Variants in AK8 observed in about 807,000 individuals in gnomAD.
AK8 encodes the protein adenylate kinase 8.
A neutral mutation model predicts 54.6 loss-of-function variants in AK8; 44 were observed. That is an observed-to-expected ratio of 0.81 (90% confidence interval 0.63 to 1.04). The LOEUF (loss-of-function observed/expected upper bound fraction) is 1.04, where lower values mean the gene tolerates loss of function less well. Among genes scored for constraint, AK8 ranks in the 50% least tolerant of loss-of-function variants. The pLI, the probability that AK8 is intolerant of heterozygous loss-of-function variation, is 0.00. For synonymous variants in AK8, 239 were observed against 245.6 expected, an observed-to-expected ratio of 0.97 and a Z score of 0.25; for missense variants, 555 against 613.6, an observed-to-expected ratio of 0.90 and a Z score of 1.01.
At chr9:132,728,987 A>G (rs1836701553) in intron 11 of AK8, among the ~76,000 whole-genome samples, 1 of 151,838 alleles carries the variant, frequency 6.6e-6, no homozygotes. Flanking sequence ...GGCTCAGTCA[A>G]TCTGCCCATC....
At chr9:132,764,260 A>C (rs1374980125) in intron 11 of AK8, among the ~76,000 whole-genome samples, 2 of 152,244 alleles carry the variant, frequency 1.3e-5, no homozygotes, top group African/African-American at 4.8e-5. Context: ...CAGTGAGCTG[A>C]GATCACACCA....
At chr9:132,763,146 GC>G (rs1189941151) in intron 11 of AK8, among the ~76,000 whole-genome samples, 1 of 152,212 alleles carries the variant, frequency 6.6e-6, no homozygotes, top group Admixed American at 6.5e-5. Context: ...ACTGTGGCCA[GC>G]CGGCTGCTGT....
rs534553563 is a variant in AK8 at position 132,759,055 on chromosome 9, C to T, written c.1122-31521G>A. Among the ~76,000 whole-genome samples the T allele has an allele frequency of 6.6e-5, 10 of 151,814 alleles. No homozygotes were observed. The South Asian group carries it at 2.1e-3, about 32-fold the overall frequency. On this transcript the variant is annotated intron_variant, in intron 11 of 12. Transcript: ENST00000298545. ...TCTACAAAAAAATACAAAAATTAGC[C>T]TGGTGTGGTGGTGTGTTGTAGTCCC...
chr9:132,812,742 G>C (rs1371181688), intron 10 of AK8, among the ~76,000 whole-genome samples: 2 of 152,180 alleles, frequency 1.3e-5, no homozygotes, highest in African/African-American at 4.8e-5. Flanking sequence ...CATGGCTGGT[G>C]GGGGCAGCGC....
intron 1 of AK8, 183 bp from the exon 2 acceptor site, chr9:132,875,382 C>G (rs566082061): frequency 1.1e-6 from 1 of 929,890 alleles, no homozygotes; most frequent in African/African-American, 1.9e-5. Flanking sequence ...ATGAGGGGGG[C>G]CACGTGGTGC....
chr9:132,866,996 A>G, intron 2 of AK8, 43 bp from the exon 3 acceptor site: 1 of 1,591,734 alleles, frequency 6.3e-7, no homozygotes, highest in Non-Finnish European at 8.6e-7. Context: ...CAACATGACA[A>G]GCAGCCTCCC....
Position 132,828,731 on chromosome 9 carries a change from A to G in AK8, c.403-5T>C. 6.2e-7 allele frequency: 1 copy of G among 1,604,844 alleles called. No individual in the cohort carries two copies. The highest frequency in any genetic ancestry group is 2.2e-5 in the East Asian group (1 of 44,578). ...GATGCCATCCAGAATCCAGCCCTAG[A>G]CAGAAGATTCAGAGAGGTGCTCATC... On this transcript the variant is annotated splice_polypyrimidine_tract_variant and splice_region_variant and intron_variant, in intron 5 of 12. Coordinates refer to ENST00000298545, the MANE Select transcript of AK8 (RefSeq NM_152572.3).
At chr9:132,758,502 T>C (rs752961452) in intron 11 of AK8, among the ~76,000 whole-genome samples, 6 of 152,160 alleles carry the variant, frequency 3.9e-5, no homozygotes, top group Non-Finnish European at 7.3e-5. Flanking sequence ...CAGGCTGGAG[T>C]GCAATGGTGC....
intron 2 of AK8, among the ~76,000 whole-genome samples, chr9:132,869,311 G>A (rs542379482): frequency 6.6e-6 from 1 of 152,340 alleles, no homozygotes; most frequent in African/African-American, 2.4e-5. Context: ...CCCCAAGCAA[G>A]GCCACCAAAT....
chr9:132,855,931 C>A (rs1202474857), intron 4 of AK8, among the ~76,000 whole-genome samples: 1 of 152,116 alleles, frequency 6.6e-6, no homozygotes, highest in Non-Finnish European at 1.5e-5. Flanking sequence ...CTGGTCTAAG[C>A]CAATCCGCAT....
chr9:132,866,947 C>T lies in AK8; in HGVS notation c.176G>A (p.Arg59Lys). 1.2e-6 allele frequency: 2 copies of T among 1,613,974 alleles called. No individual in the cohort carries two copies. Among genetic ancestry groups the T allele is most frequent in the African/African-American group, 2.7e-5 (2 of 74,978 alleles). The change falls in exon 3 of 13, where the codon AGG (arginine) becomes AAG (lysine). Residue 59 changes from arginine to lysine, a missense_variant. By Grantham distance (26) the Arg-to-Lys change is conservative (BLOSUM62 2). Transcript: ENST00000298545. ...GGCGGGTGGACCTAATATTACAATC[C>T]TGGGCACTGTGGAATAAAAAGATTT... is the stretch of plus-strand genomic sequence containing the variant. ...HLHRDNDNVPRIVILGPPASG... is the reference protein window; with the variant it reads ...HLHRDNDNVPKIVILGPPASG...
intron 3 of AK8, 123 bp downstream of exon 3, chr9:132,866,781 G>A: frequency 1.1e-6 from 1 of 943,990 alleles, no homozygotes; most frequent in Non-Finnish European, 1.7e-6. Flanking sequence ...GTAATAAGAA[G>A]GAGGAGAAGG....
chr9:132,822,441 TG>T (rs529954013), intron 9 of AK8, among the ~76,000 whole-genome samples: 1 of 150,820 alleles, frequency 6.6e-6, no homozygotes, highest in Non-Finnish European at 1.5e-5. Context: ...CTGTATAATT[TG>T]GGGGGGTTGT....
At chr9:132,776,391 C>A (rs1221919911) in intron 11 of AK8, among the ~76,000 whole-genome samples, 2 of 152,248 alleles carry the variant, frequency 1.3e-5, no homozygotes, top group Non-Finnish European at 2.9e-5. Flanking sequence ...GGGTAGCACT[C>A]GCTTTTGCTA....
At chr9:132,732,939 A>G (rs2130945182) in intron 11 of AK8, among the ~76,000 whole-genome samples, 1 of 152,274 alleles carries the variant, frequency 6.6e-6, no homozygotes, top group South Asian at 2.1e-4. Context: ...CCTGAGCCAC[A>G]ATCTCTTTCT....
Position 132,875,130 on chromosome 9 carries a change from T to C in AK8, c.154A>G (p.Arg52Gly). 1 of 1,614,126 alleles carries C rather than the reference T, an allele frequency of 6.2e-7. No individual in the cohort carries two copies. Among genetic ancestry groups the C allele is most frequent in the Non-Finnish European group, 8.5e-7 (1 of 1,179,998 alleles). The change falls in exon 2 of 13, where the codon AGA (arginine) becomes GGA (glycine). Residue 52 changes from arginine to glycine, a missense_variant. Transcript: ENST00000298545. Reference sequence around the variant, plus strand: ...CAGTGCTCACCATTGTCGTTGTCTCTATGCAAGTGCTGGATCATGAAGGGG... The same window carrying C: ...CAGTGCTCACCATTGTCGTTGTCTCCATGCAAGTGCTGGATCATGAAGGGG... ...PIPFMIQHLH[R>G]DNDNVPRIVI...
intron 10 of AK8, among the ~76,000 whole-genome samples, chr9:132,801,230 T>C (rs1034408887): frequency 1.2e-4 from 19 of 152,248 alleles, no homozygotes; most frequent in Non-Finnish European, 2.5e-4. Context: ...GCCTGGCCAG[T>C]TTGTCCCTTT....
intron 5 of AK8, among the ~76,000 whole-genome samples, chr9:132,851,598 A>G (rs1397233059): frequency 6.6e-6 from 1 of 152,208 alleles, no homozygotes; most frequent in Non-Finnish European, 1.5e-5. Flanking sequence ...TTTCAGAGAC[A>G]CTGAGACATG....
chr9:132,842,651 T>C (rs1300116769), intron 5 of AK8, among the ~76,000 whole-genome samples: 7 of 152,228 alleles, frequency 4.6e-5, no homozygotes, highest in Admixed American at 1.3e-4. Flanking sequence ...ACAATACAGT[T>C]ATTATCACAT....
Sources: gnomAD v4.1 joint callset for allele counts (sites outside exome capture counted in the v4.1 genomes callset) on GRCh38, gnomAD v4.1.1 for gene constraint, MANE v1.5 for transcripts, NCBI Gene and HGNC (gene_info 2026-07-23, HGNC 2026-07-21) for gene names.